Variants in CDH18 observed in about 807,000 individuals in gnomAD.
CDH18 encodes the protein cadherin 18.
In CDH18, 31 loss-of-function variants were observed where a neutral mutation model predicts 67.9. That is an observed-to-expected ratio of 0.46 (90% CI 0.34 to 0.62). The LOEUF (loss-of-function observed/expected upper bound fraction) is 0.62, where lower values mean the gene tolerates loss of function less well. Among genes scored for constraint, CDH18 ranks in the 20% least tolerant of loss-of-function variants. The pLI, the probability that CDH18 is intolerant of heterozygous loss-of-function variation, is 0.01. For synonymous variants in CDH18, 362 were observed against 347.2 expected, an observed-to-expected ratio of 1.04 and a Z score of -0.48; for missense variants, 890 against 975.5, an observed-to-expected ratio of 0.91 and a Z score of 1.17.
intron 2 of CDH18, among the ~76,000 whole-genome samples, chr5:19,969,535 T>C (rs1311887221): frequency 6.7e-6 from 1 of 150,220 alleles, no homozygotes; most frequent in East Asian, 1.9e-4. Context: ...TGAGTTCATG[T>C]CCTTTGTAGG....
At chr5:20,123,615 G>A (rs1748559376) in intron 2 of CDH18, among the ~76,000 whole-genome samples, 1 of 152,120 alleles carries the variant, frequency 6.6e-6, no homozygotes, top group Non-Finnish European at 1.5e-5. Flanking sequence ...CCGGCGCGGT[G>A]GCTCACTCAC....
chr5:19,768,943 C>T (rs938751195), intron 3 of CDH18, among the ~76,000 whole-genome samples: 3 of 151,534 alleles, frequency 2.0e-5, no homozygotes, highest in African/African-American at 4.9e-5. Flanking sequence ...ACTAGAAGGG[C>T]ACAACAACAG....
intron 10 of CDH18, among the ~76,000 whole-genome samples, chr5:19,503,565 C>T (rs1037165145): frequency 1.3e-5 from 2 of 151,846 alleles, no homozygotes; most frequent in African/African-American, 4.8e-5. Flanking sequence ...TTTCAGGAGG[C>T]CTTCAAGATC....
At chr5:20,516,042 T>C (rs944214805) in intron 1 of CDH18, among the ~76,000 whole-genome samples, 8 of 152,048 alleles carry the variant, frequency 5.3e-5, no homozygotes, top group African/African-American at 1.9e-4. Context: ...TCAATAGAAC[T>C]CAAAATTATT....
chr5:19,585,157 TATTAA>T (rs1260263562), intron 7 of CDH18, among the ~76,000 whole-genome samples: 4 of 152,198 alleles, frequency 2.6e-5, no homozygotes, highest in African/African-American at 7.2e-5. Flanking sequence ...GAACCATTAA[TATTAA>T]ATTAATTAAA....
At chr5:19,796,100 T>A (rs553946437) in intron 3 of CDH18, among the ~76,000 whole-genome samples, 2 of 152,088 alleles carry the variant, frequency 1.3e-5, no homozygotes, top group South Asian at 4.2e-4. Flanking sequence ...GTCCAATATT[T>A]CTGTTACTAA....
chr5:19,579,156 G>A (rs1742810113), intron 7 of CDH18, among the ~76,000 whole-genome samples: 2 of 151,800 alleles, frequency 1.3e-5, no homozygotes, highest in South Asian at 4.2e-4. Flanking sequence ...ACTGAAATTT[G>A]TGAGCTATAA....
At chr5:19,809,529 A>G (rs1206604893) in intron 3 of CDH18, among the ~76,000 whole-genome samples, 1 of 31,862 alleles carries the variant, frequency 3.1e-5, no homozygotes, top group Non-Finnish European at 8.6e-5. Context: ...AAAGTATAAT[A>G]AAAAAAAATT....
chr5:19,951,600 T>C (rs1033363241), intron 2 of CDH18, among the ~76,000 whole-genome samples: 1 of 151,592 alleles, frequency 6.6e-6, no homozygotes, highest in Non-Finnish European at 1.5e-5. Context: ...GAGTTAATTA[T>C]GATACCTTAT....
In CDH18 at chr5:19,539,683, C is replaced by T. The variant is rs547046893; in HGVS notation, c.1390+4186G>A. ...AAAGGAGAAGCAAAGTCACATCTTA[C>T]GTGGCAGCAGGCAAGAGAAAGCCTG... On this transcript the variant is annotated intron_variant, in intron 9 of 12. Coordinates refer to ENST00000382275, the MANE Select transcript of CDH18 (RefSeq NM_004934.5). Among the ~76,000 whole-genome samples, 60 of 152,210 alleles carry T rather than the reference C, an allele frequency of 3.9e-4. 1 individual carries two copies. The highest frequency in any genetic ancestry group is 1.2e-3 in the South Asian group (6 of 4,824).
chr5:20,505,990 T>C (rs566354211), intron 1 of CDH18, among the ~76,000 whole-genome samples: 15 of 151,928 alleles, frequency 9.9e-5, no homozygotes, highest in Non-Finnish European at 1.8e-4. Flanking sequence ...ACCTATGATC[T>C]AGAGAAATAA....
chr5:19,774,808 C>CAA lies in CDH18; in HGVS notation c.229-27574_229-27573dup, dbSNP rs59248561. On this transcript the variant is annotated intron_variant, in intron 3 of 12. Coordinates refer to ENST00000382275, the MANE Select transcript of CDH18 (RefSeq NM_004934.5). ...TGAGTGACAGAGCAAGACTCTGTCT[C>CAA]AAAAAAAAAAAAAAAAAAAAAAAAA... 7.3e-4 allele frequency among the ~76,000 whole-genome samples: 26 copies of CAA among 35,414 alleles called. 5 individuals carry two copies. Among genetic ancestry groups the CAA allele is most frequent in the African/African-American group, 1.1e-3 (11 of 9,864 alleles). 23.2% of individuals were successfully genotyped at this position (35,414 alleles called of 152,430 possible).
intron 5 of CDH18, among the ~76,000 whole-genome samples, chr5:19,705,967 G>A (rs1445171762): frequency 6.6e-6 from 1 of 152,152 alleles, no homozygotes; most frequent in Non-Finnish European, 1.5e-5. Context: ...TGTCTTCACA[G>A]ATGGGTCTAG....
At chr5:19,625,805 G>T (rs1381605504) in intron 5 of CDH18, among the ~76,000 whole-genome samples, 1 of 152,034 alleles carries the variant, frequency 6.6e-6, no homozygotes, top group African/African-American at 2.4e-5. Context: ...CCCATTTGCA[G>T]CAGGGAGGAG....
At chr5:19,515,336 T>A (rs1197374380) in intron 10 of CDH18, among the ~76,000 whole-genome samples, 1 of 152,210 alleles carries the variant, frequency 6.6e-6, no homozygotes, top group Non-Finnish European at 1.5e-5. Flanking sequence ...TGGGTTCTTT[T>A]TTGGTTCCAT....
At chr5:19,479,448 G>A (rs1739026872) in intron 12 of CDH18, among the ~76,000 whole-genome samples, 1 of 152,022 alleles carries the variant, frequency 6.6e-6, no homozygotes, top group African/African-American at 2.4e-5. Flanking sequence ...GCTATATCCT[G>A]TATCCCTTGG....
intron 2 of CDH18, among the ~76,000 whole-genome samples, chr5:19,901,486 A>T (rs1422025902): frequency 6.6e-6 from 1 of 152,118 alleles, no homozygotes; most frequent in African/African-American, 2.4e-5. Flanking sequence ...TTAGCTTTTG[A>T]GAATGTCTTA....
chr5:20,542,939 C>G (rs1757134654), intron 1 of CDH18, among the ~76,000 whole-genome samples: 1 of 152,042 alleles, frequency 6.6e-6, no homozygotes, highest in African/African-American at 2.4e-5. Context: ...TCCAATAAAA[C>G]ATTTGTAGCA....
chr5:20,378,328 C>T (rs1743635135), intron 1 of CDH18, among the ~76,000 whole-genome samples: 1 of 152,016 alleles, frequency 6.6e-6, no homozygotes, highest in Admixed American at 6.6e-5. Flanking sequence ...CCCACCACCA[C>T]GCCCAGCTAA....
Sources: gnomAD v4.1 joint callset for allele counts (sites outside exome capture counted in the v4.1 genomes callset) on GRCh38, gnomAD v4.1.1 for gene constraint, MANE v1.5 for transcripts, NCBI Gene and HGNC (gene_info 2026-07-23, HGNC 2026-07-21) for gene names.